The following ST6GALNAC3 variants were observed in gnomAD, a reference collection of about 807,000 sequenced individuals.
The protein encoded by ST6GALNAC3 is ST6 N-acetylgalactosaminide alpha-2,6-sialyltransferase 3.
Under a neutral mutation model 32.7 loss-of-function variants are expected in ST6GALNAC3, and 25 were observed. That is an observed-to-expected ratio of 0.76 (90% CI 0.56 to 1.07). ST6GALNAC3 has a LOEUF of 1.07. Ranked by LOEUF, ST6GALNAC3 falls within the 50% of genes least tolerant of loss-of-function variation. The probability of loss-of-function intolerance (pLI) is 0.00; values close to 1 mark genes in which losing one functional copy is unlikely to be tolerated. For missense variants in ST6GALNAC3, 355 were observed against 382.4 expected (o/e 0.93, Z 0.60); for synonymous variants, 129 against 133.1 (o/e 0.97, Z 0.21).
chr1:76,220,403 G>A (rs1052010881), intron 1 of ST6GALNAC3, among the ~76,000 whole-genome samples: 1 of 152,130 alleles, frequency 6.6e-6, no homozygotes, highest in African/African-American at 2.4e-5. Flanking sequence ...AACTTTAGCA[G>A]TTTGGTTCAT....
At chr1:76,283,327 T>C (rs1191480296) in intron 1 of ST6GALNAC3, among the ~76,000 whole-genome samples, 4 of 152,218 alleles carry the variant, frequency 2.6e-5, no homozygotes, top group Non-Finnish European at 5.9e-5. Context: ...ACTACTTTGT[T>C]ACCTGAATTG....
chr1:76,506,116 G>A (rs1309771921), intron 3 of ST6GALNAC3, among the ~76,000 whole-genome samples: 1 of 152,158 alleles, frequency 6.6e-6, no homozygotes, highest in Non-Finnish European at 1.5e-5. Context: ...GATCATGATA[G>A]TCAGTCGCTT....
intron 3 of ST6GALNAC3, among the ~76,000 whole-genome samples, chr1:76,497,916 G>A (rs924126108): frequency 2.0e-5 from 3 of 152,100 alleles, no homozygotes; most frequent in South Asian, 2.1e-4. Context: ...TTGCCCTTAC[G>A]CTCTTCAAAG....
At chr1:76,385,247 A>T (rs4576696) in intron 2 of ST6GALNAC3, among the ~76,000 whole-genome samples, 43,827 of 151,958 alleles carry the variant, frequency 0.29, 7,634 homozygotes, top group East Asian at 0.61. Context: ...CAGTCATGAG[A>T]CTTCTTTCCT....
chr1:76,229,165 G>C (rs867629337), intron 1 of ST6GALNAC3, among the ~76,000 whole-genome samples: 1 of 152,142 alleles, frequency 6.6e-6, no homozygotes, highest in Non-Finnish European at 1.5e-5. Context: ...AAAGAACCCA[G>C]AAAGCTAGCC....
intron 1 of ST6GALNAC3, among the ~76,000 whole-genome samples, chr1:76,305,130 G>T (rs1249598279): frequency 1.3e-5 from 2 of 152,014 alleles, no homozygotes; most frequent in African/African-American, 4.8e-5. Context: ...AGTAGGATTT[G>T]ATGGAAAAAC....
chr1:76,284,917 T>C (rs1345083937), intron 1 of ST6GALNAC3, among the ~76,000 whole-genome samples: 4 of 151,882 alleles, frequency 2.6e-5, no homozygotes, highest in African/African-American at 9.7e-5. Context: ...TGATAGTGGG[T>C]GTAAGTCATG....
intron 2 of ST6GALNAC3, among the ~76,000 whole-genome samples, chr1:76,406,101 T>C (rs1368568855): frequency 6.6e-6 from 1 of 152,022 alleles, no homozygotes; most frequent in East Asian, 1.9e-4. Context: ...AGGCATGGTA[T>C]AAAAAGACCC....
intron 2 of ST6GALNAC3, among the ~76,000 whole-genome samples, chr1:76,335,818 G>A (rs1054412506): frequency 2.0e-5 from 3 of 152,138 alleles, no homozygotes; most frequent in Non-Finnish European, 4.4e-5. Flanking sequence ...ATTGCACCAG[G>A]TGGGTTGACT....
At chr1:76,464,103 A>G (rs1321535918) in intron 3 of ST6GALNAC3, among the ~76,000 whole-genome samples, 1 of 152,162 alleles carries the variant, frequency 6.6e-6, no homozygotes, top group Admixed American at 6.5e-5. Context: ...CTATACCCTC[A>G]CCACAAACTC....
intron 1 of ST6GALNAC3, among the ~76,000 whole-genome samples, chr1:76,132,476 G>T (rs533126627): frequency 6.6e-6 from 1 of 152,196 alleles, no homozygotes; most frequent in African/African-American, 2.4e-5. Context: ...TAATTTAGGG[G>T]GTTCTCTTTC....
At chr1:76,383,117 C>T (rs149975713) in intron 2 of ST6GALNAC3, among the ~76,000 whole-genome samples, 17 of 152,294 alleles carry the variant, frequency 1.1e-4, no homozygotes, top group African/African-American at 3.8e-4. Flanking sequence ...GATGAAGTGG[C>T]ATCTTCAAAG....
chr1:76,116,286 G>T (rs1648472438), intron 1 of ST6GALNAC3, among the ~76,000 whole-genome samples: 1 of 152,196 alleles, frequency 6.6e-6, no homozygotes, highest in Non-Finnish European at 1.5e-5. Flanking sequence ...CTGGGCTACA[G>T]TGAGGACTTT....
chr1:76,492,976 G>A (rs1305115438), intron 3 of ST6GALNAC3, among the ~76,000 whole-genome samples: 2 of 151,856 alleles, frequency 1.3e-5, no homozygotes, highest in Non-Finnish European at 1.5e-5. Context: ...CTTCCCTTTA[G>A]GGTTAGGCCT....
intron 2 of ST6GALNAC3, among the ~76,000 whole-genome samples, chr1:76,337,795 T>C (rs1398070016): frequency 2.0e-5 from 3 of 152,102 alleles, no homozygotes; most frequent in Non-Finnish European, 2.9e-5. Context: ...ACTTCCTAGG[T>C]ACTTTTGTAG....
chr1:76,525,785 G>GTT (rs1662839794), intron 3 of ST6GALNAC3, among the ~76,000 whole-genome samples: 2 of 73,572 alleles, frequency 2.7e-5, no homozygotes, highest in South Asian at 1.4e-3. Flanking sequence ...GTGTGTGTGT[G>GTT]TGTGTGTATA....
chr1:76,237,258 C>A (rs1385039568), intron 1 of ST6GALNAC3, among the ~76,000 whole-genome samples: 4 of 152,118 alleles, frequency 2.6e-5, no homozygotes, highest in African/African-American at 9.7e-5. Flanking sequence ...CTCAGCCTCC[C>A]AGGTAGCTGG....
chr1:76,294,364 A>G (rs913004357), intron 1 of ST6GALNAC3, among the ~76,000 whole-genome samples: 2 of 152,062 alleles, frequency 1.3e-5, no homozygotes, highest in Non-Finnish European at 2.9e-5. Context: ...TTTTTATTAA[A>G]AAAAAAACCT....
chr1:76,325,506 T>G (rs1192736293), intron 2 of ST6GALNAC3, among the ~76,000 whole-genome samples: 1 of 151,960 alleles, frequency 6.6e-6, no homozygotes, highest in Non-Finnish European at 1.5e-5. Context: ...AGGTAGAAAG[T>G]AAATAACTTT....
Sources: gnomAD v4.1 joint callset for allele counts (sites outside exome capture counted in the v4.1 genomes callset) on GRCh38, gnomAD v4.1.1 for gene constraint, MANE v1.5 for transcripts, NCBI Gene and HGNC (gene_info 2026-07-23, HGNC 2026-07-21) for gene names.